The following GSE1 variants were observed in gnomAD, a reference collection of about 807,000 sequenced individuals.
GSE1 encodes the protein genetic suppressor element 1.
A neutral mutation model predicts 112.6 loss-of-function variants in GSE1; 32 were observed. The ratio of observed to expected loss-of-function variants is 0.28; its 90% CI spans 0.21 to 0.38. The LOEUF is 0.38. Ranked by LOEUF, GSE1 falls within the 10% of genes least tolerant of loss-of-function variation. The pLI is 1.00. For missense variants in GSE1, 2,348 were observed against 1,699.2 expected (o/e 1.38, Z -6.71); for synonymous variants, 1,115 against 735.6 (o/e 1.52, Z -8.35).
intron 2 of GSE1, among the ~76,000 whole-genome samples, chr16:85,634,542 A>G (rs76769024): frequency 7.9e-5 from 12 of 152,230 alleles, no homozygotes; most frequent in East Asian, 7.8e-4. Flanking sequence ...CTCCCTCCAG[A>G]AGTGGCAGAG....
upstream of GSE1, chr16:85,555,346 T>G: frequency 1.0e-6 from 1 of 980,828 alleles, no homozygotes; most frequent in Non-Finnish European, 1.2e-6. Context: ...TTCCACCCCC[T>G]CTCTCTGAGT....
intron 1 of GSE1, among the ~76,000 whole-genome samples, chr16:85,237,342 A>G (rs1049659129): frequency 2.6e-5 from 4 of 152,014 alleles, no homozygotes; most frequent in African/African-American, 9.7e-5. Flanking sequence ...GAATGAATAA[A>G]TAAATAAAAC....
chr16:85,269,068 C>T (rs1288107987), intron 1 of GSE1, among the ~76,000 whole-genome samples: 1 of 149,288 alleles, frequency 6.7e-6, no homozygotes, highest in East Asian at 1.9e-4. Context: ...TGGGCATGCC[C>T]TGCATTTTAC....
chr16:85,365,654 A>G (rs2047170333), intron 2 of GSE1, among the ~76,000 whole-genome samples: 3 of 152,232 alleles, frequency 2.0e-5, no homozygotes, highest in Admixed American at 2.0e-4. Flanking sequence ...AGCTTGTAGA[A>G]AGCAAAGGTT....
chr16:85,547,339 C>T (rs752844508), intron 2 of GSE1, among the ~76,000 whole-genome samples: 1 of 152,172 alleles, frequency 6.6e-6, no homozygotes, highest in Non-Finnish European at 1.5e-5. Flanking sequence ...CATGTGTCAG[C>T]GGGGCCATGC....
At chr16:85,621,145 C>T (rs1208680975) in intron 1 of GSE1, among the ~76,000 whole-genome samples, 1 of 150,350 alleles carries the variant, frequency 6.7e-6, no homozygotes, top group Non-Finnish European at 1.5e-5. Context: ...TGTTGGGGAA[C>T]CCGTTTAGAT....
At chr16:85,561,753 T>C (rs2045531313) in intron 1 of GSE1, among the ~76,000 whole-genome samples, 1 of 152,210 alleles carries the variant, frequency 6.6e-6, no homozygotes, top group Non-Finnish European at 1.5e-5. Flanking sequence ...TTGACCATCC[T>C]GGGAGGGGCT....
intron 2 of GSE1, among the ~76,000 whole-genome samples, chr16:85,383,247 G>A (rs1375057360): frequency 6.6e-6 from 1 of 151,424 alleles, no homozygotes; most frequent in Non-Finnish European, 1.5e-5. Flanking sequence ...TGCACACACA[G>A]CCTGTCACAC....
At chr16:85,650,979 G>A (rs1034225248) in intron 3 of GSE1, among the ~76,000 whole-genome samples, 8 of 149,994 alleles carry the variant, frequency 5.3e-5, no homozygotes, top group Non-Finnish European at 8.9e-5. Flanking sequence ...TGTCCCGCCT[G>A]TCTGACTATG....
At chr16:85,638,855 G>A (rs796138151) in intron 2 of GSE1, among the ~76,000 whole-genome samples, 9 of 151,870 alleles carry the variant, frequency 5.9e-5, no homozygotes, top group African/African-American at 1.5e-4. Flanking sequence ...GTGTGGGTCC[G>A]CCATGGCTTC....
intron 1 of GSE1, among the ~76,000 whole-genome samples, chr16:85,299,745 T>C (rs1381765377): frequency 6.6e-6 from 1 of 152,028 alleles, no homozygotes; most frequent in Non-Finnish European, 1.5e-5. Flanking sequence ...CTGGGCAACA[T>C]AGTGGGACTC....
rs145479502 is a variant in GSE1 at position 85,576,138 on chromosome 16, A to G, written c.37+19775A>G. On this transcript the variant is annotated intron_variant, in intron 1 of 2. Coordinates refer to the GSE1 transcript ENST00000635906. ...ATCTGATCTCTCTCTGGGTAATAGT[A>G]TGGAATTAGACATTTAACCCTGGAG... is the stretch of plus-strand genomic sequence containing the variant. 1.1e-3 allele frequency among the ~76,000 whole-genome samples: 167 copies of G among 152,308 alleles called. 1 individual carries two copies. The highest frequency in any genetic ancestry group is 3.9e-3 in the African/African-American group (161 of 41,570).
intron 1 of GSE1, among the ~76,000 whole-genome samples, chr16:85,345,353 G>A (rs60822629): frequency 0.19 from 29,196 of 152,188 alleles, 3,075 homozygotes; most frequent in East Asian, 0.42. Context: ...GGGTGCTGCA[G>A]TGGCAAAGCT....
At chr16:85,635,271 G>A (rs968040698) in intron 2 of GSE1, among the ~76,000 whole-genome samples, 6 of 152,158 alleles carry the variant, frequency 3.9e-5, no homozygotes, top group East Asian at 1.9e-4. Context: ...AGGGAGGCCC[G>A]TTGGGGTCTG....
At chr16:85,481,318 G>A (rs2050675736) in intron 2 of GSE1, among the ~76,000 whole-genome samples, 1 of 152,228 alleles carries the variant, frequency 6.6e-6, no homozygotes, top group Non-Finnish European at 1.5e-5. Flanking sequence ...ACAGTCAGTG[G>A]TTTTTGTCAT....
At chr16:85,651,417 C>T (rs1015745946) in intron 3 of GSE1, among the ~76,000 whole-genome samples, 4 of 152,108 alleles carry the variant, frequency 2.6e-5, no homozygotes, top group East Asian at 3.9e-4. Flanking sequence ...CCCAGCCCCC[C>T]GGACTCCCTG....
intron 1 of GSE1, among the ~76,000 whole-genome samples, chr16:85,591,916 G>A (rs1278965372): frequency 6.6e-6 from 1 of 152,156 alleles, no homozygotes; most frequent in East Asian, 1.9e-4. Flanking sequence ...TGCCCAAATC[G>A]GAAGCCTCCA....
At chr16:85,404,255 A>G (rs2048199545) in intron 2 of GSE1, among the ~76,000 whole-genome samples, 1 of 85,376 alleles carries the variant, frequency 1.2e-5, no homozygotes, top group Admixed American at 1.1e-4. Context: ...TCTCACTGTT[A>G]CACTCAGGGC....
upstream of GSE1, chr16:85,611,435 C>A: frequency 1.0e-6 from 1 of 983,988 alleles, no homozygotes; most frequent in Non-Finnish European, 1.2e-6. Flanking sequence ...ATTATAGCGT[C>A]CGGCCAAGGC....
Sources: allele counts gnomAD v4.1 joint callset (sites outside exome capture counted in the v4.1 genomes callset), GRCh38; gene constraint gnomAD v4.1.1; transcripts MANE v1.5; gene names NCBI Gene and HGNC (gene_info 2026-07-23, HGNC 2026-07-21).